NRCAM: variants seen among roughly 807,000 people sequenced by gnomAD.
NRCAM encodes the protein neuronal cell adhesion molecule, also known as NgCAM-related cell adhesion molecule.
In NRCAM, 83 loss-of-function variants were observed where a neutral mutation model predicts 156.5. That is an observed-to-expected ratio of 0.53 (90% CI 0.44 to 0.64). The LOEUF is 0.64. NRCAM is among the 30% of genes least tolerant of loss of function. The probability of loss-of-function intolerance (pLI) is 0.00; values close to 1 mark genes in which losing one functional copy is unlikely to be tolerated. For synonymous variants in NRCAM, 538 were observed against 563.9 expected, an observed-to-expected ratio of 0.95 and a Z score of 0.65; for missense variants, 1,417 against 1,597.3, an observed-to-expected ratio of 0.89 and a Z score of 1.92.
At chr7:108,332,473 TC>T (rs2099136646) in intron 2 of NRCAM, among the ~76,000 whole-genome samples, 1 of 152,198 alleles carries the variant, frequency 6.6e-6, no homozygotes, top group African/African-American at 2.4e-5. Flanking sequence ...CTGCTTCTCT[TC>T]CCTTCAATCA....
At chr7:108,191,683 C>T (rs1164093736) in intron 18 of NRCAM, 46 bp downstream of exon 18, 2 of 1,548,884 alleles carry the variant, frequency 1.3e-6, no homozygotes, top group East Asian at 4.6e-5. Flanking sequence ...TTCTTTTCAA[C>T]CAAATGCAGG....
intron 3 of NRCAM, among the ~76,000 whole-genome samples, chr7:108,311,026 G>A (rs1443973274): frequency 6.6e-6 from 1 of 152,144 alleles, no homozygotes; most frequent in Non-Finnish European, 1.5e-5. Context: ...CTGAGAGTGG[G>A]CTAGGAAGTG....
intron 27 of NRCAM, among the ~76,000 whole-genome samples, chr7:108,176,078 A>G (rs981203837): frequency 6.6e-6 from 1 of 152,140 alleles, no homozygotes; most frequent in Non-Finnish European, 1.5e-5. Flanking sequence ...TGTGTGTATT[A>G]TGTGTATGTG....
At chr7:108,161,002 C>T (rs1362826717) in intron 30 of NRCAM, among the ~76,000 whole-genome samples, 2 of 152,100 alleles carry the variant, frequency 1.3e-5, no homozygotes, top group Non-Finnish European at 2.9e-5. Flanking sequence ...AAAAAGAAAA[C>T]GGTCCACACA....
chr7:108,423,917 A>T (rs905437069), intron 1 of NRCAM, among the ~76,000 whole-genome samples: 2 of 152,248 alleles, frequency 1.3e-5, no homozygotes, highest in African/African-American at 4.8e-5. Flanking sequence ...AGTTGATCTT[A>T]AAGTTTGGCC....
chr7:108,190,538 ATAAT>A (rs1352517953), intron 19 of NRCAM, among the ~76,000 whole-genome samples: 1 of 152,176 alleles, frequency 6.6e-6, no homozygotes, highest in Non-Finnish European at 1.5e-5. Context: ...TTTATATTGG[ATAAT>A]TAGACACAAT....
chr7:108,302,358 G>T (rs549364151), intron 3 of NRCAM, among the ~76,000 whole-genome samples: 1 of 152,246 alleles, frequency 6.6e-6, no homozygotes, highest in African/African-American at 2.4e-5. Flanking sequence ...TCTTGGAGAT[G>T]ACTGATGGCA....
chr7:108,348,376 G>T (rs2099385402), intron 2 of NRCAM, among the ~76,000 whole-genome samples: 1 of 152,172 alleles, frequency 6.6e-6, no homozygotes, highest in East Asian at 1.9e-4. Flanking sequence ...CCTGGGGGTT[G>T]TGAGGGAGGA....
At position 108,445,434 on chromosome 7, in the gene NRCAM, C is replaced by T. The variant is rs561337522; in HGVS notation, c.-332+10809G>A. On this transcript the variant is annotated intron_variant, in intron 1 of 32. Transcript: ENST00000379028. ...CAAGACCACTTCATTTATTCAAAAT[C>T]GAGTAGCCACATGTATTGTTAAGAA... Among the ~76,000 whole-genome samples the T allele has an allele frequency of 1.5e-4, 23 of 152,266 alleles. No individual in the cohort carries two copies. In the South Asian group the frequency reaches 4.1e-3, roughly 27 times the overall value.
intron 2 of NRCAM, 82 bp from the exon 3 acceptor site, chr7:108,312,813 A>G (rs545769269): frequency 1.3e-5 from 2 of 152,292 alleles, no homozygotes; most frequent in Middle Eastern, 3.4e-3. Flanking sequence ...ATTAACTCCA[A>G]CTGGCTCTCT....
At chr7:108,346,888 T>A (rs1470765493) in intron 2 of NRCAM, among the ~76,000 whole-genome samples, 2 of 140,178 alleles carry the variant, frequency 1.4e-5, no homozygotes, top group African/African-American at 5.0e-5. Context: ...ATTAATTGTT[T>A]AATATTCATC....
chr7:108,347,235 AC>A (rs1198255018), intron 2 of NRCAM, among the ~76,000 whole-genome samples: 1 of 151,604 alleles, frequency 6.6e-6, no homozygotes, highest in African/African-American at 2.4e-5. Context: ...ATGGGATTTC[AC>A]CGTGTTAGCC....
In NRCAM at chr7:108,160,349, T is replaced by C. The variant is rs2048159036; in HGVS notation, c.3598+12A>G. The C allele has an allele frequency of 8.1e-6, 13 of 1,611,246 alleles. No homozygotes were observed. Among genetic ancestry groups the C allele is most frequent in the Non-Finnish European group, 1.1e-5 (13 of 1,178,058 alleles). Reference sequence around the variant, plus strand: ...GTAGCATTATAAAGCAATTTTAATCTTTCTTTCTTACCTGGATATTTACCA... The same window carrying C: ...GTAGCATTATAAAGCAATTTTAATCCTTCTTTCTTACCTGGATATTTACCA... On this transcript the variant is annotated intron_variant, in intron 31 of 32. Transcript: ENST00000379028.
intron 1 of NRCAM, among the ~76,000 whole-genome samples, chr7:108,432,210 C>CTTT (rs1275574717): frequency 6.6e-6 from 1 of 152,166 alleles, no homozygotes; most frequent in East Asian, 1.9e-4. Context: ...ATTCTACAAG[C>CTTT]TTTAAAAGAG....
chr7:108,189,795 G>A (rs371721401), intron 19 of NRCAM, 49 bp from the exon 20 acceptor site: 5 of 750,086 alleles, frequency 6.7e-6, no homozygotes, highest in Non-Finnish European at 1.2e-5. Flanking sequence ...ATCTTTAAGA[G>A]GCTCTCCTTT....
chr7:108,262,882 A>G (rs887796606), intron 3 of NRCAM, among the ~76,000 whole-genome samples: 4 of 152,186 alleles, frequency 2.6e-5, no homozygotes, highest in Admixed American at 2.6e-4. Flanking sequence ...TTATCTTTTT[A>G]TTCTCCTTTG....
chr7:108,247,807 C>A (rs1203081442), intron 3 of NRCAM, among the ~76,000 whole-genome samples: 2 of 152,224 alleles, frequency 1.3e-5, no homozygotes, highest in Non-Finnish European at 2.9e-5. Context: ...AGCTTCTATT[C>A]TTCTCACTCT....
At chr7:108,168,096 T>C (rs568129501) in intron 29 of NRCAM, among the ~76,000 whole-genome samples, 181 bp downstream of exon 29, 1 of 152,344 alleles carries the variant, frequency 6.6e-6, no homozygotes, top group Non-Finnish European at 1.5e-5. Context: ...AAGCAATTCC[T>C]AGTCGTGCAT....
chr7:108,367,642 T>C (rs1255868317), intron 2 of NRCAM, among the ~76,000 whole-genome samples: 1 of 152,180 alleles, frequency 6.6e-6, no homozygotes, highest in African/African-American at 2.4e-5. Flanking sequence ...AACATTCTTA[T>C]CTGTAAACCC....
Sources: allele counts gnomAD v4.1 joint callset (sites outside exome capture counted in the v4.1 genomes callset), GRCh38; gene constraint gnomAD v4.1.1; transcripts MANE v1.5; gene names NCBI Gene and HGNC (gene_info 2026-07-23, HGNC 2026-07-21).